AUTS2: variants seen among roughly 807,000 people sequenced by gnomAD.
The protein encoded by AUTS2 is activator of transcription and developmental regulator AUTS2.
A neutral mutation model predicts 112.4 loss-of-function variants in AUTS2; 17 were observed. The observed-to-expected ratio is 0.15, with a 90% confidence interval of 0.10 to 0.23. The LOEUF is 0.23. Ranked by LOEUF, AUTS2 falls within the 10% of genes least tolerant of loss-of-function variation. The probability of loss-of-function intolerance (pLI) is 1.00; values close to 1 mark genes in which losing one functional copy is unlikely to be tolerated. For missense variants in AUTS2, 1,510 were observed against 1,701.6 expected (o/e 0.89, Z 1.98); for synonymous variants, 751 against 702.7 (o/e 1.07, Z -1.09).
At chr7:70,145,411 T>G (rs1469327411) in intron 4 of AUTS2, among the ~76,000 whole-genome samples, 1 of 152,134 alleles carries the variant, frequency 6.6e-6, no homozygotes, top group Non-Finnish European at 1.5e-5. Flanking sequence ...AATATACCTG[T>G]GATAGACTTA....
intron 5 of AUTS2, among the ~76,000 whole-genome samples, chr7:70,670,937 C>T (rs774408913): frequency 1.3e-5 from 2 of 152,094 alleles, no homozygotes; most frequent in African/African-American, 2.4e-5. Context: ...TTTGGGAGGC[C>T]GAGGCGGGCG....
At chr7:70,739,046 G>T (rs1219864726) in intron 6 of AUTS2, among the ~76,000 whole-genome samples, 1 of 78,796 alleles carries the variant, frequency 1.3e-5, no homozygotes, top group African/African-American at 4.2e-5. Context: ...TTGAGAGAGA[G>T]ACAGGGTCTT....
chr7:69,874,639 C>T (rs1042373794), intron 1 of AUTS2, among the ~76,000 whole-genome samples: 1 of 151,976 alleles, frequency 6.6e-6, no homozygotes, highest in Non-Finnish European at 1.5e-5. Flanking sequence ...TAGGTGTCAG[C>T]CCCAGGCATT....
At chr7:69,797,478 ATT>A (rs1789896777) in intron 1 of AUTS2, among the ~76,000 whole-genome samples, 1 of 152,100 alleles carries the variant, frequency 6.6e-6, no homozygotes, top group Admixed American at 6.6e-5. Flanking sequence ...TCTTAACTCC[ATT>A]TTTGTCCTTT....
chr7:69,768,067 G>C (rs542140081), intron 1 of AUTS2, among the ~76,000 whole-genome samples: 18 of 152,240 alleles, frequency 1.2e-4, no homozygotes, highest in African/African-American at 3.9e-4. Context: ...GTCTACCTTA[G>C]AACCTTCTGC....
At chr7:69,992,862 G>A (rs1165043543) in intron 2 of AUTS2, among the ~76,000 whole-genome samples, 1 of 152,166 alleles carries the variant, frequency 6.6e-6, no homozygotes, top group Non-Finnish European at 1.5e-5. Flanking sequence ...TCCAGCCTGG[G>A]TTACAAAGTG....
intron 1 of AUTS2, among the ~76,000 whole-genome samples, chr7:69,687,179 G>A (rs1461702537): frequency 6.6e-6 from 1 of 152,166 alleles, no homozygotes; most frequent in Admixed American, 6.5e-5. Context: ...TGCGCATCAT[G>A]AGATTAAACA....
chr7:69,914,555 A>G (rs1166544874), intron 2 of AUTS2, among the ~76,000 whole-genome samples: 1 of 151,902 alleles, frequency 6.6e-6, no homozygotes, highest in Non-Finnish European at 1.5e-5. Flanking sequence ...TCTCCCATGG[A>G]ATCTATCAGC....
At chr7:69,816,863 C>T (rs746750132) in intron 1 of AUTS2, among the ~76,000 whole-genome samples, 3 of 152,158 alleles carry the variant, frequency 2.0e-5, no homozygotes, top group African/African-American at 7.2e-5. Flanking sequence ...CTTACCTGCT[C>T]AAAGTATGTC....
At chr7:69,782,925 G>A (rs766347938) in intron 1 of AUTS2, among the ~76,000 whole-genome samples, 5 of 152,034 alleles carry the variant, frequency 3.3e-5, no homozygotes, top group Non-Finnish European at 7.4e-5. Context: ...GTTTGGATTT[G>A]TTGTGTATTG....
intron 6 of AUTS2, among the ~76,000 whole-genome samples, chr7:70,706,018 C>A (rs1173649054): frequency 6.6e-6 from 1 of 152,206 alleles, no homozygotes; most frequent in East Asian, 1.9e-4. Context: ...TGTGCAGTTT[C>A]TATTATAAAG....
At chr7:70,228,289 A>T (rs1270861550) in intron 4 of AUTS2, among the ~76,000 whole-genome samples, 2 of 151,466 alleles carry the variant, frequency 1.3e-5, no homozygotes, top group Non-Finnish European at 3.0e-5. Flanking sequence ...ACTGTTTTTC[A>T]ATCTTTTTTA....
At chr7:69,910,470 A>G (rs10252876) in intron 2 of AUTS2, among the ~76,000 whole-genome samples, 28,996 of 152,132 alleles carry the variant, frequency 0.19, 3,075 homozygotes, top group African/African-American at 0.27. Flanking sequence ...AGACTGGGCA[A>G]TTTATAAAAA....
intron 4 of AUTS2, among the ~76,000 whole-genome samples, chr7:70,177,591 G>A (rs1809057944): frequency 2.0e-5 from 3 of 152,120 alleles, no homozygotes; most frequent in Admixed American, 2.0e-4. Context: ...AAAAACTGAA[G>A]CTTATAACCA....
At chr7:69,788,487 C>T (rs916735116) in intron 1 of AUTS2, among the ~76,000 whole-genome samples, 1 of 152,102 alleles carries the variant, frequency 6.6e-6, no homozygotes, top group Non-Finnish European at 1.5e-5. Context: ...AGGCTTCAAT[C>T]TAAAGAAACT....
At chr7:69,691,985 T>C (rs903518945) in intron 1 of AUTS2, among the ~76,000 whole-genome samples, 1 of 152,218 alleles carries the variant, frequency 6.6e-6, no homozygotes, top group Non-Finnish European at 1.5e-5. Context: ...TTGGTCTCCT[T>C]AGCTCCCTGT....
intron 5 of AUTS2, among the ~76,000 whole-genome samples, chr7:70,678,127 AC>A (rs1045354610): frequency 6.3e-4 from 96 of 152,174 alleles, no homozygotes; most frequent in African/African-American, 2.2e-3. Flanking sequence ...AGTAGGTTCT[AC>A]CTTCCCCACG....
chr7:70,323,030 G>T (rs1030719499), intron 4 of AUTS2, among the ~76,000 whole-genome samples: 1 of 152,220 alleles, frequency 6.6e-6, no homozygotes, highest in African/African-American at 2.4e-5. Context: ...AAACCAATTA[G>T]AGTGGGTTCT....
chr7:69,813,008 A>G (rs1331169972), intron 1 of AUTS2, among the ~76,000 whole-genome samples: 1 of 152,122 alleles, frequency 6.6e-6, no homozygotes, highest in Non-Finnish European at 1.5e-5. Flanking sequence ...AATCCTCCAG[A>G]GTGCCTCCCA....
Sources: gnomAD v4.1 joint callset for allele counts (sites outside exome capture counted in the v4.1 genomes callset) on GRCh38, gnomAD v4.1.1 for gene constraint, MANE v1.5 for transcripts, NCBI Gene and HGNC (gene_info 2026-07-23, HGNC 2026-07-21) for gene names.